Variants in TDRD10 observed in about 807,000 individuals in gnomAD.
The protein encoded by TDRD10 is tudor domain-containing protein 10.
In TDRD10, 40 loss-of-function variants were observed where a neutral mutation model predicts 48.0. The ratio of observed to expected loss-of-function variants is 0.83; its 90% CI spans 0.65 to 1.09. TDRD10 has a LOEUF of 1.09. Ranked by LOEUF, TDRD10 falls within the 50% of genes least tolerant of loss-of-function variation. The pLI, the probability that TDRD10 is intolerant of heterozygous loss-of-function variation, is 0.00. For missense variants in TDRD10, 378 were observed against 434.7 expected (o/e 0.87, Z 1.16); for synonymous variants, 162 against 170.4 (o/e 0.95, Z 0.38).
At chr1:154,544,634 T>C in intron 10 of TDRD10, 117 bp downstream of exon 10, 1 of 1,481,122 alleles carries the variant, frequency 6.8e-7, no homozygotes, top group Non-Finnish European at 9.0e-7. Flanking sequence ...TCTCTCAAAA[T>C]CATCTTTATC....
chr1:154,504,815 T>G (rs1693052163), intron 1 of TDRD10, among the ~76,000 whole-genome samples: 1 of 152,112 alleles, frequency 6.6e-6, no homozygotes, highest in Non-Finnish European at 1.5e-5. Context: ...TGGTGAAACC[T>G]CATCTCTACT....
chr1:154,507,924 G>A (rs1487011486), intron 3 of TDRD10, among the ~76,000 whole-genome samples: 7 of 152,034 alleles, frequency 4.6e-5, no homozygotes, highest in Non-Finnish European at 8.8e-5. Flanking sequence ...GGGCCCCTGC[G>A]TGCTCCCCAC....
intron 5 of TDRD10, 28 bp from the exon 6 acceptor site, chr1:154,521,295 A>T: frequency 6.2e-7 from 1 of 1,611,786 alleles, no homozygotes. Context: ...ATGTGCTCAA[A>T]GCCTCCCTCT....
Position 154,502,314 on chromosome 1 carries a change from G to T in TDRD10, c.-743G>T. 1 of 183,396 alleles carries T rather than the reference G, an allele frequency of 5.5e-6. No individual in the cohort carries two copies. The highest frequency in any genetic ancestry group is 1.1e-5 in the Non-Finnish European group (1 of 88,866). 11.4% of individuals were successfully genotyped at this position (183,396 alleles called of 1,614,324 possible). On this transcript the variant is annotated 5_prime_UTR_variant, in exon 1 of 13. Transcript: ENST00000368482. ...GCTCTTTCCTCCTGCGGTGGGAGAG[G>T]CCAGGCCCACGGAAGCCCCCTGCGG...
intron 6 of TDRD10, among the ~76,000 whole-genome samples, chr1:154,532,375 G>A (rs1245757195): frequency 6.6e-6 from 1 of 152,176 alleles, no homozygotes; most frequent in Non-Finnish European, 1.5e-5. Context: ...TCTGAGTGCG[G>A]CCCGCAAAGC....
intron 6 of TDRD10, among the ~76,000 whole-genome samples, chr1:154,527,108 G>A (rs1570940791): frequency 6.6e-6 from 1 of 150,480 alleles, no homozygotes; most frequent in Non-Finnish European, 1.5e-5. Flanking sequence ...ACAGGATTTC[G>A]CCATGTTGGG....
In TDRD10 at chr1:154,547,994, T is replaced by C. The variant is rs1323506330; in HGVS notation, c.*284T>C. 2 of 526,644 alleles carry C rather than the reference T, an allele frequency of 3.8e-6. No homozygotes were observed. The highest frequency in any genetic ancestry group is 3.3e-5 in the East Asian group (1 of 30,722). 32.6% of individuals were successfully genotyped at this position (526,644 alleles called of 1,614,324 possible). ...CCTGAGGCAGCTGGGATGGTCTTTC[T>C]TGTGTCTCTTCTTTGCACCCCAGAG... On this transcript the variant is annotated 3_prime_UTR_variant, in exon 13 of 13. Transcript: ENST00000368482.
At chr1:154,525,156 G>A (rs2149330704) in intron 6 of TDRD10, among the ~76,000 whole-genome samples, 1 of 152,296 alleles carries the variant, frequency 6.6e-6, no homozygotes, top group Admixed American at 6.5e-5. Context: ...TGCTGGAAAT[G>A]GTGAGTTCCT....
At chr1:154,509,978 G>A (rs766488430) in intron 4 of TDRD10, 115 of 541,078 alleles carry the variant, frequency 2.1e-4, no homozygotes, top group Non-Finnish European at 2.5e-4. Flanking sequence ...CCACACCATG[G>A]TAAGGGAACG....
At chr1:154,519,825 G>A (rs1693963377) in intron 4 of TDRD10, among the ~76,000 whole-genome samples, 1 of 152,182 alleles carries the variant, frequency 6.6e-6, no homozygotes, top group Non-Finnish European at 1.5e-5. Context: ...GGGTGAGGAA[G>A]ACGGCCTGAG....
rs772955266 is a variant in TDRD10 at position 154,521,375 on chromosome 1, G to C, written c.265G>C (p.Glu89Gln). The C allele has an allele frequency of 6.2e-7, 1 of 1,614,154 alleles. No homozygotes were observed. The highest frequency in any genetic ancestry group is 1.1e-5 in the South Asian group (1 of 91,084). Residue 89 changes from glutamate to glutamine, a missense_variant, in exon 6 of 13, where the codon GAG (glutamate) becomes CAG (glutamine). Transcript: ENST00000368482. ...SMQKVTLAIQELNGKLFHKRK... is the reference protein window; with the variant it reads ...SMQKVTLAIQQLNGKLFHKRK... ...GCAGAAAGTGACACTTGCAATCCAGGAGCTGAATGGTAAACTCTTCCACAA... is the reference window on the plus strand; with the variant it reads ...GCAGAAAGTGACACTTGCAATCCAGCAGCTGAATGGTAAACTCTTCCACAA...
At chr1:154,507,884 T>C (rs1693238675) in intron 3 of TDRD10, among the ~76,000 whole-genome samples, 1 of 152,154 alleles carries the variant, frequency 6.6e-6, no homozygotes, top group South Asian at 2.1e-4. Flanking sequence ...TCTGCCTGGA[T>C]TCCCTTCAGC....
intron 6 of TDRD10, among the ~76,000 whole-genome samples, chr1:154,525,273 G>T (rs1694251343): frequency 6.6e-6 from 1 of 152,086 alleles, no homozygotes; most frequent in Non-Finnish European, 1.5e-5. Flanking sequence ...TTTCTCTTGG[G>T]ATAAAGATGA....
In TDRD10 at chr1:154,545,512, A is replaced by G. The variant is rs182380800; in HGVS notation, c.952+563A>G. ...AATGTTTTAGGGGGCAGTCAGGAGA[A>G]GTGGAGGTGAAGAAGCATACATACA... On this transcript the variant is annotated intron_variant, in intron 11 of 12. Transcript: ENST00000368482. Among the ~76,000 whole-genome samples, 9 of 152,346 alleles carry G rather than the reference A, an allele frequency of 5.9e-5. No individual in the cohort carries two copies. The East Asian group carries it at 1.5e-3, about 26-fold the overall frequency.
At chr1:154,520,428 T>C in intron 5 of TDRD10, 54 bp downstream of exon 5, 2 of 1,458,984 alleles carry the variant, frequency 1.4e-6, no homozygotes, top group Non-Finnish European at 1.9e-6. Flanking sequence ...TTCCTCCCTG[T>C]CCATTTTGCT....
intron 4 of TDRD10, among the ~76,000 whole-genome samples, chr1:154,511,107 T>G (rs979393796): frequency 2.0e-5 from 3 of 151,978 alleles, no homozygotes; most frequent in African/African-American, 7.2e-5. Flanking sequence ...CCATTAACTT[T>G]TTTGTTTGTT....
At chr1:154,508,949 C>A (rs1170576237) in intron 4 of TDRD10, among the ~76,000 whole-genome samples, 3 of 152,102 alleles carry the variant, frequency 2.0e-5, no homozygotes, top group African/African-American at 7.2e-5. Context: ...ACCCCAGGCA[C>A]CTTACTGTCT....
chr1:154,509,752 T>C (rs992138742), intron 4 of TDRD10: 3 of 958,226 alleles, frequency 3.1e-6, no homozygotes, highest in Middle Eastern at 5.3e-4. Context: ...TGGCACCTGA[T>C]AGACGAGCCT....
At chr1:154,533,051 T>C (rs900708604) in intron 6 of TDRD10, among the ~76,000 whole-genome samples, 1 of 152,158 alleles carries the variant, frequency 6.6e-6, no homozygotes, top group Non-Finnish European at 1.5e-5. Flanking sequence ...GTGGTTTCTA[T>C]TGACACCCAG....
Sources: allele counts gnomAD v4.1 joint callset (sites outside exome capture counted in the v4.1 genomes callset), GRCh38; gene constraint gnomAD v4.1.1; transcripts MANE v1.5; gene names NCBI Gene and HGNC (gene_info 2026-07-23, HGNC 2026-07-21).